TENM4: variants seen among roughly 807,000 people sequenced by gnomAD.
The protein encoded by TENM4 is teneurin-4.
Under a neutral mutation model 243.3 loss-of-function variants are expected in TENM4, and 82 were observed. That is an observed-to-expected ratio of 0.34 (90% CI 0.28 to 0.40). TENM4 has a LOEUF of 0.40. Among genes scored for constraint, TENM4 ranks in the 10% least tolerant of loss-of-function variants. The pLI is 1.00. For missense variants in TENM4, 3,138 were observed against 3,673.3 expected (o/e 0.85, Z 3.77); for synonymous variants, 1,412 against 1,456.3 (o/e 0.97, Z 0.69).
chr11:79,198,175 T>A (rs1391001239), intron 3 of TENM4, among the ~76,000 whole-genome samples: 1 of 152,244 alleles, frequency 6.6e-6, no homozygotes, highest in East Asian at 1.9e-4. Flanking sequence ...CCCTAATCTT[T>A]AGTTTCTGTG....
intron 2 of TENM4, among the ~76,000 whole-genome samples, chr11:79,284,655 G>A (rs1472781030): frequency 6.6e-6 from 1 of 152,188 alleles, no homozygotes; most frequent in Non-Finnish European, 1.5e-5. Flanking sequence ...TTTCTTAGAT[G>A]TGACACCAAA....
chr11:78,756,843 G>A lies in TENM4; in HGVS notation c.2718C>T (p.Ser906=), dbSNP rs1419745864. The A allele has an allele frequency of 6.2e-7, 1 of 1,613,924 alleles. No individual in the cohort carries two copies. Among genetic ancestry groups the A allele is most frequent in the Non-Finnish European group, 8.5e-7 (1 of 1,179,872 alleles). Residue 906 remains serine (S), a synonymous_variant, in exon 19 of 34, where the codon AGC becomes AGT. Transcript: ENST00000278550. ...GGTTCTCCCCGGGGATTATGTGCGT[G>A]CTGTCCCTGCCCACGAGGAACTTGA... ...DRIKFLVGRD[S]THIIPGENPF...
intron 1 of TENM4, among the ~76,000 whole-genome samples, chr11:79,389,489 A>C (rs60299037): frequency 0.029 from 4,372 of 152,284 alleles, 216 homozygotes; most frequent in African/African-American, 0.1. Context: ...CTAGGCCCCG[A>C]GTCCCATCAT....
At chr11:78,911,963 G>A (rs1055390396) in intron 6 of TENM4, among the ~76,000 whole-genome samples, 9 of 152,266 alleles carry the variant, frequency 5.9e-5, no homozygotes, top group Admixed American at 3.3e-4. Flanking sequence ...TTTACACATA[G>A]AGTGGTCTAG....
At chr11:79,047,324 T>C (rs1821616) in intron 6 of TENM4, among the ~76,000 whole-genome samples, 19,786 of 152,182 alleles carry the variant, frequency 0.13, 1,387 homozygotes, top group Middle Eastern at 0.17. Context: ...TTTTGAGCTC[T>C]AGATATTGAG....
intron 29 of TENM4, among the ~76,000 whole-genome samples, chr11:78,687,168 G>A (rs1858703313): frequency 6.6e-6 from 1 of 152,044 alleles, no homozygotes; most frequent in African/African-American, 2.4e-5. Context: ...TGGCATGATG[G>A]GCACAGGGCC....
At chr11:79,237,266 G>C (rs1317147635) in intron 2 of TENM4, among the ~76,000 whole-genome samples, 1 of 152,140 alleles carries the variant, frequency 6.6e-6, no homozygotes, top group Non-Finnish European at 1.5e-5. Flanking sequence ...ACTGGACTAA[G>C]ACAGGGTGGA....
intron 29 of TENM4, among the ~76,000 whole-genome samples, chr11:78,677,003 G>A (rs73496506): frequency 0.069 from 10,467 of 152,184 alleles, 1,197 homozygotes; most frequent in African/African-American, 0.24. Flanking sequence ...GAGCAGCTGC[G>A]AATGGGTATG....
At chr11:79,410,956 T>TACAC (rs143723822) in intron 1 of TENM4, among the ~76,000 whole-genome samples, 2 of 151,188 alleles carry the variant, frequency 1.3e-5, no homozygotes, top group South Asian at 2.1e-4. Flanking sequence ...TACACACACA[T>TACAC]ACACACACAC....
chr11:79,249,255 G>A (rs1157366402), intron 2 of TENM4, among the ~76,000 whole-genome samples: 1 of 152,126 alleles, frequency 6.6e-6, no homozygotes, highest in Non-Finnish European at 1.5e-5. Flanking sequence ...CATTCTGCAG[G>A]TGAGGAAACT....
At chr11:78,816,431 C>T (rs944318855) in intron 12 of TENM4, among the ~76,000 whole-genome samples, 5 of 152,234 alleles carry the variant, frequency 3.3e-5, no homozygotes, top group African/African-American at 4.8e-5. Context: ...GAACACTTCC[C>T]TGCCTCTATT....
At chr11:79,099,507 T>C (rs1486483442) in intron 4 of TENM4, among the ~76,000 whole-genome samples, 1 of 152,164 alleles carries the variant, frequency 6.6e-6, no homozygotes, top group Non-Finnish European at 1.5e-5. Flanking sequence ...GATGATATCA[T>C]CATCAGGTCT....
intron 1 of TENM4, chr11:79,402,009 G>A (rs748673135): frequency 2.5e-6 from 1 of 396,690 alleles, no homozygotes; most frequent in Non-Finnish European, 5.7e-6. Flanking sequence ...GAAGAGAGAT[G>A]ACTAGGGTAA....
chr11:79,160,571 G>A (rs1266244634), intron 3 of TENM4, among the ~76,000 whole-genome samples: 5 of 152,062 alleles, frequency 3.3e-5, no homozygotes, highest in Non-Finnish European at 7.4e-5. Context: ...AGAAAAAGCG[G>A]CCCATCTCAA....
intron 6 of TENM4, among the ~76,000 whole-genome samples, chr11:79,020,098 T>C (rs1858887539): frequency 6.6e-6 from 1 of 152,202 alleles, no homozygotes; most frequent in Non-Finnish European, 1.5e-5. Context: ...CTTTGTTAAA[T>C]AGAACAGATC....
intron 32 of TENM4, among the ~76,000 whole-genome samples, chr11:78,666,567 C>A (rs2135656473): frequency 6.6e-6 from 1 of 152,252 alleles, no homozygotes; most frequent in South Asian, 2.1e-4. Flanking sequence ...GAATATAGAA[C>A]CTAAACTGAA....
At chr11:78,764,889 G>A (rs2135977667) in intron 18 of TENM4, among the ~76,000 whole-genome samples, 1 of 152,236 alleles carries the variant, frequency 6.6e-6, no homozygotes, top group South Asian at 2.1e-4. Context: ...AAGACAGAAT[G>A]CTTAAACTGA....
At chr11:79,328,224 G>A (rs930638451) in intron 1 of TENM4, among the ~76,000 whole-genome samples, 6 of 152,190 alleles carry the variant, frequency 3.9e-5, no homozygotes, top group African/African-American at 1.4e-4. Context: ...TGGATGTGAT[G>A]GTTCTCATTC....
chr11:78,952,015 C>T (rs1350395009), intron 6 of TENM4, among the ~76,000 whole-genome samples: 1 of 152,178 alleles, frequency 6.6e-6, no homozygotes, highest in Non-Finnish European at 1.5e-5. Context: ...CCCTGGCACA[C>T]TCCGTCACCA....
Sources: gnomAD v4.1 joint callset for allele counts (sites outside exome capture counted in the v4.1 genomes callset) on GRCh38, gnomAD v4.1.1 for gene constraint, MANE v1.5 for transcripts, NCBI Gene and HGNC (gene_info 2026-07-23, HGNC 2026-07-21) for gene names.